DTNA: variants seen among roughly 807,000 people sequenced by gnomAD.
DTNA encodes the protein dystrobrevin alpha.
DTNA carries 43 observed loss-of-function variants against 100.7 expected under a neutral mutation model. That is an observed-to-expected ratio of 0.43 (90% CI 0.33 to 0.55). DTNA has a LOEUF of 0.55. DTNA is among the 20% of genes least tolerant of loss of function. The pLI, the probability that DTNA is intolerant of heterozygous loss-of-function variation, is 0.04. For missense variants in DTNA, 798 were observed against 953.9 expected (o/e 0.84, Z 2.15); for synonymous variants, 349 against 347.9 (o/e 1.00, Z -0.04).
rs781770514 is a variant in DTNA, at chr18:34,848,248, A to G, written c.1347-48A>G. 1.1e-5 allele frequency: 18 copies of G among 1,585,596 alleles called. No homozygotes were observed. In the African/African-American group the frequency reaches 2.0e-4, roughly 18 times the overall value. ...TCCTTGTGGTAAAATGACTGCAGCA[A>G]TCTTTCTCAGTTGCCTAACGGTCTC... On this transcript the variant is annotated intron_variant, in intron 13 of 22. Transcript: ENST00000444659.
At chr18:34,564,450 C>T (rs1303958178) in intron 1 of DTNA, among the ~76,000 whole-genome samples, 1 of 152,180 alleles carries the variant, frequency 6.6e-6, no homozygotes, top group Non-Finnish European at 1.5e-5. Context: ...GGCCCCCACA[C>T]TTTTGAAGGA....
intron 1 of DTNA, among the ~76,000 whole-genome samples, chr18:34,557,129 T>G (rs542507856): frequency 6.8e-6 from 1 of 148,006 alleles, no homozygotes; most frequent in Non-Finnish European, 1.5e-5. Flanking sequence ...CATCTTCCAT[T>G]GCTGATACCC....
intron 17 of DTNA, chr18:34,868,154 C>CAAAAAAAA (rs34776092): frequency 1.2e-5 from 2 of 172,582 alleles, no homozygotes; most frequent in African/African-American, 3.5e-5. Flanking sequence ...GGCAATGAAG[C>CAAAAAAAA]AAAAAAAAAA....
intron 11 of DTNA, among the ~76,000 whole-genome samples, chr18:34,831,839 T>C (rs1006427179): frequency 6.6e-6 from 1 of 152,198 alleles, no homozygotes; most frequent in Non-Finnish European, 1.5e-5. Context: ...CCCCAGATAC[T>C]TCCCAAATCC....
At chr18:34,654,733 AT>A (rs879267874) in intron 1 of DTNA, among the ~76,000 whole-genome samples, 2,836 of 146,740 alleles carry the variant, frequency 0.019, 52 homozygotes, top group African/African-American at 0.053. Context: ...TCTGTAAATA[AT>A]TTTTTTTTTT....
chr18:34,759,159 GAAAAAAAC>G (rs957891773), intron 2 of DTNA, among the ~76,000 whole-genome samples: 10 of 151,664 alleles, frequency 6.6e-5, no homozygotes, highest in Non-Finnish European at 1.3e-4. Flanking sequence ...GATTAAAGCT[GAAAAAAAC>G]AAAAAAACAA....
intron 1 of DTNA, among the ~76,000 whole-genome samples, chr18:34,752,647 T>G (rs2092418504): frequency 6.6e-6 from 1 of 152,232 alleles, no homozygotes; most frequent in Admixed American, 6.5e-5. Context: ...AGAAGTGTGT[T>G]ATTTTTCTCT....
chr18:34,531,328 C>A (rs1300927239), intron 1 of DTNA, among the ~76,000 whole-genome samples: 1 of 152,204 alleles, frequency 6.6e-6, no homozygotes, highest in South Asian at 2.1e-4. Flanking sequence ...TGACTTTAAG[C>A]CAGTCATTGT....
At position 34,815,914 on chromosome 18, in the gene DTNA, A is replaced by G; in HGVS notation, c.609A>G (p.Lys203=). The G allele has an allele frequency of 2.5e-6, 4 of 1,613,646 alleles. No individual in the cohort carries two copies. Among genetic ancestry groups the G allele is most frequent in the Non-Finnish European group, 3.4e-6 (4 of 1,179,620 alleles). The change falls in exon 7 of 23, where the codon AAA becomes AAG. Residue 203 remains lysine, a synonymous_variant. Coordinates refer to ENST00000444659, the MANE Select transcript of DTNA (RefSeq NM_001386795.1). ...SARSCFSQQK[K]VTLNGFLDTL... ...TGGGGGGTTTTTTTATGCAGAAAAA[A>G]GTCACGTTAAATGGTTTCTTGGACA...
chr18:34,584,957 A>G (rs994221545), intron 1 of DTNA, among the ~76,000 whole-genome samples: 2 of 152,232 alleles, frequency 1.3e-5, no homozygotes, highest in Non-Finnish European at 2.9e-5. Context: ...AATCCCTTGA[A>G]ATTTCTGAGG....
chr18:34,756,092 C>A, intron 2 of DTNA, 49 bp downstream of exon 2: 1 of 1,530,338 alleles, frequency 6.5e-7, no homozygotes, highest in South Asian at 1.1e-5. Context: ...ATTGAATACT[C>A]ATGGAAAGGC....
At chr18:34,564,453 T>G (rs991750538) in intron 1 of DTNA, among the ~76,000 whole-genome samples, 1 of 152,230 alleles carries the variant, frequency 6.6e-6, no homozygotes, top group South Asian at 2.1e-4. Context: ...CCCCACACTT[T>G]TGAAGGATCT....
At chr18:34,765,850 A>G in intron 2 of DTNA, 111 bp from the exon 3 acceptor site, 7 of 1,043,096 alleles carry the variant, frequency 6.7e-6, no homozygotes, top group Non-Finnish European at 9.9e-6. Flanking sequence ...ATATTCTAAT[A>G]AAAATAAAAT....
intron 1 of DTNA, among the ~76,000 whole-genome samples, chr18:34,614,496 C>T (rs1444863912): frequency 6.6e-6 from 1 of 152,110 alleles, no homozygotes; most frequent in Non-Finnish European, 1.5e-5. Flanking sequence ...ATTCTCCATC[C>T]TAGATGCTAT....
At chr18:34,631,263 A>G (rs1191060523) in intron 1 of DTNA, among the ~76,000 whole-genome samples, 1 of 152,208 alleles carries the variant, frequency 6.6e-6, no homozygotes, top group Non-Finnish European at 1.5e-5. Context: ...GGATAATAAA[A>G]GTGCCAAATT....
At chr18:34,653,232 G>A (rs77429177) in intron 1 of DTNA, among the ~76,000 whole-genome samples, 9,084 of 152,006 alleles carry the variant, frequency 0.06, 315 homozygotes, top group Non-Finnish European at 0.075. Flanking sequence ...GGAAAAAAAC[G>A]AATAGGCTTC....
chr18:34,563,498 G>T (rs2046818105), intron 1 of DTNA, among the ~76,000 whole-genome samples: 1 of 152,162 alleles, frequency 6.6e-6, no homozygotes. Flanking sequence ...AACTAACAGA[G>T]GGCTTTGTAG....
chr18:34,785,115 G>T (rs1251775127), intron 3 of DTNA, among the ~76,000 whole-genome samples: 1 of 151,748 alleles, frequency 6.6e-6, no homozygotes, highest in Admixed American at 6.6e-5. Context: ...GGGTTTCACC[G>T]TGTTAGCCAG....
intron 1 of DTNA, among the ~76,000 whole-genome samples, chr18:34,674,695 C>T (rs2077182469): frequency 1.3e-5 from 2 of 152,196 alleles, no homozygotes; most frequent in African/African-American, 4.8e-5. Flanking sequence ...TTTGTGTTTG[C>T]TAACTGTTCC....
Sources: allele counts gnomAD v4.1 joint callset (sites outside exome capture counted in the v4.1 genomes callset), GRCh38; gene constraint gnomAD v4.1.1; transcripts MANE v1.5; gene names NCBI Gene and HGNC (gene_info 2026-07-23, HGNC 2026-07-21).